The following NUFIP2 variants were observed in gnomAD, a reference collection of about 807,000 sequenced individuals.
NUFIP2 encodes the protein FMR1-interacting protein NUFIP2.
NUFIP2 carries 6 observed loss-of-function variants against 56.9 expected under a neutral mutation model. The ratio of observed to expected loss-of-function variants is 0.11; its 90% CI spans 0.06 to 0.21. The LOEUF is 0.21. Ranked by LOEUF, NUFIP2 falls within the 10% of genes least tolerant of loss-of-function variation. The pLI, the probability that NUFIP2 is intolerant of heterozygous loss-of-function variation, is 1.00. For missense variants in NUFIP2, 828 were observed against 826.8 expected, an observed-to-expected ratio of 1.00 and a Z score of -0.02; for synonymous variants, 321 against 298.2, an observed-to-expected ratio of 1.08 and a Z score of -0.79.
intron 2 of NUFIP2, among the ~76,000 whole-genome samples, chr17:29,273,693 A>G (rs1470313289): frequency 6.6e-6 from 1 of 152,222 alleles, no homozygotes; most frequent in Admixed American, 6.5e-5. Flanking sequence ...ACCTAATAGA[A>G]CCTAAGTAAA....
chr17:29,289,148 GAAGAA>G (rs1411335607), intron 1 of NUFIP2, among the ~76,000 whole-genome samples: 4 of 151,764 alleles, frequency 2.6e-5, no homozygotes, highest in Admixed American at 6.6e-5. Flanking sequence ...CCTCTTTCAA[GAAGAA>G]AAGAAAAAAA....
chr17:29,293,708 C>T, intron 1 of NUFIP2, 75 bp downstream of exon 1: 1 of 1,417,164 alleles, frequency 7.1e-7, no homozygotes, highest in Admixed American at 2.5e-5. Flanking sequence ...CCGCGCTTTT[C>T]GGATCCAGCC....
chr17:29,287,724 A>AG lies in NUFIP2; in HGVS notation c.278-9dup. 1 of 1,556,494 alleles carries AG rather than the reference A, an allele frequency of 6.4e-7. No individual in the cohort carries two copies. Among genetic ancestry groups the AG allele is most frequent in the Non-Finnish European group, 8.6e-7 (1 of 1,160,388 alleles). ...CGTTTAGTTCACCATAGCCTAGGGGAGGGGAAAAAAAGGATTAAAAAAAAA... is the reference window on the plus strand; with the variant it reads ...CGTTTAGTTCACCATAGCCTAGGGGAGGGGGAAAAAAAGGATTAAAAAAAAA... On this transcript the variant is annotated splice_polypyrimidine_tract_variant and intron_variant, in intron 1 of 3. Transcript: ENST00000225388.
chr17:29,288,434 C>T (rs115738018), intron 1 of NUFIP2, among the ~76,000 whole-genome samples: 2,192 of 152,330 alleles, frequency 0.014, 48 homozygotes, highest in African/African-American at 0.049. Context: ...AAATTAAAGA[C>T]TTCATTTCTA....
chr17:29,288,337 C>A (rs1331630797), intron 1 of NUFIP2, among the ~76,000 whole-genome samples: 4 of 152,238 alleles, frequency 2.6e-5, no homozygotes, highest in South Asian at 4.1e-4. Flanking sequence ...GAGCCACACG[C>A]CCGGCCTAAA....
chr17:29,287,285 G>A lies in NUFIP2; in HGVS notation c.709C>T (p.Leu237Phe). The A allele has an allele frequency of 6.2e-7, 1 of 1,614,098 alleles. No homozygotes were observed. Among genetic ancestry groups the A allele is most frequent in the South Asian group, 1.1e-5 (1 of 91,062 alleles). The part of the protein sequence containing the change: ...RRNSAKGCEN[L>F]NIVQDKIMQQ... ...ATTATTTTGTCCTGCACTATATTAAGGTTTTCACAACCCTTGGCACTATTG... is the reference window on the plus strand; with the variant it reads ...ATTATTTTGTCCTGCACTATATTAAAGTTTTCACAACCCTTGGCACTATTG... The change falls in exon 2 of 4, where the codon CTT becomes TTT. Residue 237 changes from leucine (L) to phenylalanine (F), a missense_variant. Around this residue, in one of 3 missense-constraint regions of NUFIP2, gnomAD observed 415 missense variants for 408.7 expected, o/e 1.02. Coordinates refer to ENST00000225388, the MANE Select transcript of NUFIP2 (RefSeq NM_020772.3).
At position 29,285,998 on chromosome 17, in the gene NUFIP2, T is replaced by C; in HGVS notation, c.1996A>G (p.Thr666Ala). The C allele has an allele frequency of 1.2e-6, 2 of 1,604,748 alleles. No individual in the cohort carries two copies. Among genetic ancestry groups the C allele is most frequent in the South Asian group, 1.1e-5 (1 of 90,586 alleles). The change falls in exon 2 of 4, where the codon ACT becomes GCT. Residue 666 changes from threonine (T) to alanine (A), a missense_variant. By Grantham distance (58) the Thr-to-Ala change is moderately conservative. Around this residue, in one of 3 missense-constraint regions of NUFIP2, gnomAD observed 404 missense variants for 380.3 expected, o/e 1.06. Transcript: ENST00000225388. ...TAGGAAACAAATGAGTTACCTTTAGTGTGATATACAATAGCAGCCCTCAGG... is the reference window on the plus strand; with the variant it reads ...TAGGAAACAAATGAGTTACCTTTAGCGTGATATACAATAGCAGCCCTCAGG... ...FDLRAAIVYH[T>A]KEMESIWNLQ...
At position 29,276,369 on chromosome 17, in the gene NUFIP2, C is replaced by G. The variant is rs558517469; in HGVS notation, c.2003-8839G>C. ...TGCCCTTCCCTCACCTTGCCCCCAT[C>G]TTAGGGGTTCCAATTACACTTGGCA... On this transcript the variant is annotated intron_variant, in intron 2 of 3. Transcript: ENST00000225388. Among the ~76,000 whole-genome samples the G allele has an allele frequency of 1.2e-4, 19 of 152,250 alleles. No homozygotes were observed. In the South Asian group the frequency reaches 3.1e-3, roughly 25 times the overall value.
intron 1 of NUFIP2, among the ~76,000 whole-genome samples, chr17:29,288,573 ATTG>A (rs777183759): frequency 1.3e-5 from 2 of 152,258 alleles, no homozygotes; most frequent in African/African-American, 4.8e-5. Flanking sequence ...GATATTGGAT[ATTG>A]TTAATACGTG....
At chr17:29,288,291 C>T (rs759731547) in intron 1 of NUFIP2, among the ~76,000 whole-genome samples, 2 of 152,236 alleles carry the variant, frequency 1.3e-5, no homozygotes, top group African/African-American at 2.4e-5. Flanking sequence ...GTGATCCGCC[C>T]GTCTCGGCCT....
chr17:29,280,778 G>A (rs2069134799), intron 2 of NUFIP2, among the ~76,000 whole-genome samples: 1 of 152,086 alleles, frequency 6.6e-6, no homozygotes, highest in African/African-American at 2.4e-5. Context: ...TTGAGGTCAA[G>A]AGTTCAAGAC....
At chr17:29,285,193 G>A (rs7218736) in intron 2 of NUFIP2, among the ~76,000 whole-genome samples, 2,401 of 151,760 alleles carry the variant, frequency 0.016, 56 homozygotes, top group African/African-American at 0.053. Flanking sequence ...CCAGCTACTC[G>A]GGAGGCTGAG....
At position 29,287,032 on chromosome 17, in the gene NUFIP2, C is replaced by A; in HGVS notation, c.962G>T (p.Gly321Val). The A allele has an allele frequency of 1.9e-6, 3 of 1,614,166 alleles. No individual in the cohort carries two copies. Among genetic ancestry groups the A allele is most frequent in the Non-Finnish European group, 2.5e-6 (3 of 1,180,034 alleles). The change falls in exon 2 of 4, where the codon GGA becomes GTA. Residue 321 changes from glycine to valine, a missense_variant. Transcript: ENST00000225388. The stretch of plus-strand genomic sequence containing the variant: ...GGAGGCAACAGCTGAAGCATGCTTT[C>A]CTTTGGGCCGATCATCAAACTTTTT... ...SSKKFDDRPK[G>V]KHASAVASKE... is the part of the protein sequence containing the mutation.
At chr17:29,293,404 G>A (rs577864266) in intron 1 of NUFIP2, among the ~76,000 whole-genome samples, 11 of 152,238 alleles carry the variant, frequency 7.2e-5, no homozygotes, top group East Asian at 3.9e-4. Flanking sequence ...CACCTCGAGG[G>A]ATTTTTTGGG....
Position 29,260,505 on chromosome 17 carries a change from G to A in NUFIP2, c.*4034C>T, listed in dbSNP as rs2068996438. ...GAATGACTCCGTCCTTATTTACAGT[G>A]GAATTAAAATTGAGTAAAGTCCATT... On this transcript the variant is annotated 3_prime_UTR_variant, in exon 4 of 4. Coordinates refer to ENST00000225388, the MANE Select transcript of NUFIP2 (RefSeq NM_020772.3). The A allele has an allele frequency of 6.6e-6, 1 of 152,080 alleles. No homozygotes were observed. Among genetic ancestry groups the A allele is most frequent in the African/African-American group, 2.4e-5 (1 of 41,416 alleles). 9.4% of individuals were successfully genotyped at this position (152,080 alleles called of 1,614,324 possible).
Position 29,264,450 on chromosome 17 carries a change from T to A in NUFIP2, c.*89A>T. On this transcript the variant is annotated 3_prime_UTR_variant, in exon 4 of 4. Coordinates refer to ENST00000225388, the MANE Select transcript of NUFIP2 (RefSeq NM_020772.3). ...TTCTACTTATGGTTCCTCTGCTGCG[T>A]TGAAGATCTAGGAGCATAAAAGCCT... 1 of 704,996 alleles carries A rather than the reference T, an allele frequency of 1.4e-6. No homozygotes were observed. The highest frequency in any genetic ancestry group is 2.0e-5 in the South Asian group (1 of 50,368). 43.7% of individuals were successfully genotyped at this position (704,996 alleles called of 1,614,324 possible). A position where few individuals can be genotyped will look rare whatever the true frequency, so the allele number is the denominator to read the frequency against.
chr17:29,268,342 T>C (rs754565732), intron 2 of NUFIP2, among the ~76,000 whole-genome samples: 6 of 152,234 alleles, frequency 3.9e-5, no homozygotes, highest in Non-Finnish European at 5.9e-5. Flanking sequence ...CTCATCATTA[T>C]TTAAAAAACA....
intron 2 of NUFIP2, among the ~76,000 whole-genome samples, chr17:29,271,536 C>CA (rs200734042): frequency 0.024 from 2,903 of 118,784 alleles, 71 homozygotes; most frequent in African/African-American, 0.071. Flanking sequence ...GACTCCGTCT[C>CA]AAAAAAAAAA....
At chr17:29,278,924 A>T (rs1360031441) in intron 2 of NUFIP2, among the ~76,000 whole-genome samples, 1 of 152,226 alleles carries the variant, frequency 6.6e-6, no homozygotes, top group Non-Finnish European at 1.5e-5. Flanking sequence ...ACCTTATCCC[A>T]TATTAGGAAT....
Sources: allele counts gnomAD v4.1 joint callset (sites outside exome capture counted in the v4.1 genomes callset), GRCh38; gene constraint gnomAD v4.1.1; regional missense constraint gnomAD v4.1.1; transcripts MANE v1.5; gene names NCBI Gene and HGNC (gene_info 2026-07-23, HGNC 2026-07-21).